The following PTPRD variants were observed in gnomAD, a reference collection of about 807,000 sequenced individuals.
PTPRD encodes receptor-type tyrosine-protein phosphatase delta.
A neutral mutation model predicts 214.5 loss-of-function variants in PTPRD; 34 were observed. The ratio of observed to expected loss-of-function variants is 0.16; its 90% confidence interval spans 0.12 to 0.21. PTPRD has a LOEUF of 0.21. Ranked by LOEUF, PTPRD falls within the 10% of genes least tolerant of loss-of-function variation. The pLI is 1.00. For synonymous variants in PTPRD, 1,128 were observed against 845.7 expected, an observed-to-expected ratio of 1.33 and a Z score of -5.79; for missense variants, 2,545 against 2,398.7, an observed-to-expected ratio of 1.06 and a Z score of -1.27.
At chr9:10,116,348 G>C (rs2098731217) in intron 3 of PTPRD, among the ~76,000 whole-genome samples, 1 of 151,950 alleles carries the variant, frequency 6.6e-6, no homozygotes, top group East Asian at 1.9e-4. Context: ...TTAGTTCAGG[G>C]GGTCACTTAA....
chr9:8,355,675 C>G (rs190880712), intron 39 of PTPRD, among the ~76,000 whole-genome samples: 1 of 152,154 alleles, frequency 6.6e-6, no homozygotes, highest in Non-Finnish European at 1.5e-5. Flanking sequence ...TTCTATGTAT[C>G]AATCGCCATG....
At chr9:9,331,762 A>G (rs2042392527) in intron 9 of PTPRD, among the ~76,000 whole-genome samples, 1 of 151,988 alleles carries the variant, frequency 6.6e-6, no homozygotes, top group Non-Finnish European at 1.5e-5. Context: ...GAATCAAATC[A>G]TCTCAAATAA....
chr9:10,391,023 G>A (rs1296831647), intron 2 of PTPRD, among the ~76,000 whole-genome samples: 1 of 151,810 alleles, frequency 6.6e-6, no homozygotes, highest in African/African-American at 2.4e-5. Context: ...CACTCACCAT[G>A]GGGAACTGTG....
chr9:9,334,516 G>C (rs2043646293), intron 9 of PTPRD, among the ~76,000 whole-genome samples: 2 of 151,998 alleles, frequency 1.3e-5, no homozygotes, highest in African/African-American at 4.8e-5. Context: ...AATATTTGAT[G>C]GTCTGGTGGG....
chr9:9,514,347 G>A (rs1048140644), intron 8 of PTPRD, among the ~76,000 whole-genome samples: 1 of 152,042 alleles, frequency 6.6e-6, no homozygotes, highest in African/African-American at 2.4e-5. Context: ...AATACACAGG[G>A]ATCTGGATAG....
intron 9 of PTPRD, among the ~76,000 whole-genome samples, chr9:9,331,308 T>G (rs1225134379): frequency 1.3e-5 from 2 of 152,110 alleles, no homozygotes; most frequent in African/African-American, 4.8e-5. Flanking sequence ...CCATTTCCAA[T>G]TTACTAAGTT....
At chr9:10,144,467 G>T (rs1486250461) in intron 3 of PTPRD, among the ~76,000 whole-genome samples, 1 of 152,006 alleles carries the variant, frequency 6.6e-6, no homozygotes, top group East Asian at 1.9e-4. Flanking sequence ...TATTCCCCCT[G>T]CTCTTAGGTA....
chr9:10,100,756 G>T (rs547327265), intron 3 of PTPRD, among the ~76,000 whole-genome samples: 79 of 151,744 alleles, frequency 5.2e-4, no homozygotes, highest in African/African-American at 1.8e-3. Flanking sequence ...GTTCCTCACT[G>T]ACATGCATTG....
At position 9,441,337 on chromosome 9, in the gene PTPRD, A is replaced by G. The variant is rs144622161; in HGVS notation, c.-236-43855T>C. 3.0e-3 allele frequency among the ~76,000 whole-genome samples: 451 copies of G among 152,326 alleles called. 7 individuals carry two copies. Among genetic ancestry groups the G allele is most frequent in the Admixed American group, 0.022 (343 of 15,288 alleles). Reference sequence around the variant, plus strand: ...GCTTCTTAGAGTAAATTAAGTTTGAACTAGAAAGATGAATAGGAAGAAGAC... The same window carrying G: ...GCTTCTTAGAGTAAATTAAGTTTGAGCTAGAAAGATGAATAGGAAGAAGAC... On this transcript the variant is annotated intron_variant, in intron 8 of 45. Coordinates refer to ENST00000381196, the MANE Select transcript of PTPRD (RefSeq NM_002839.4).
At chr9:10,455,955 G>T (rs955085877) in intron 2 of PTPRD, among the ~76,000 whole-genome samples, 1 of 151,644 alleles carries the variant, frequency 6.6e-6, no homozygotes, top group Non-Finnish European at 1.5e-5. Flanking sequence ...CTAATCCCTT[G>T]TTCTTCTATT....
intron 2 of PTPRD, among the ~76,000 whole-genome samples, chr9:10,384,849 C>G (rs895878354): frequency 6.6e-6 from 1 of 151,462 alleles, no homozygotes; most frequent in Admixed American, 6.6e-5. Context: ...TGATTTTTAA[C>G]GATGTATAAA....
intron 3 of PTPRD, among the ~76,000 whole-genome samples, chr9:10,248,445 A>T (rs996400558): frequency 6.7e-5 from 10 of 148,614 alleles, no homozygotes; most frequent in African/African-American, 2.3e-4. Context: ...AAAACAAGAA[A>T]TGTTACTTTT....
At chr9:8,436,078 G>C (rs1474203976) in intron 35 of PTPRD, among the ~76,000 whole-genome samples, 2 of 152,138 alleles carry the variant, frequency 1.3e-5, no homozygotes, top group Non-Finnish European at 2.9e-5. Flanking sequence ...TATCAATTTA[G>C]TATATTCTAG....
chr9:8,586,847 T>C (rs2093694842), intron 14 of PTPRD, among the ~76,000 whole-genome samples: 1 of 152,142 alleles, frequency 6.6e-6, no homozygotes, highest in Admixed American at 6.5e-5. Flanking sequence ...ACTCCTCACT[T>C]AATAAAGAAA....
chr9:10,396,992 G>A (rs754697037), intron 2 of PTPRD, among the ~76,000 whole-genome samples: 2 of 151,896 alleles, frequency 1.3e-5, no homozygotes, highest in African/African-American at 2.4e-5. Flanking sequence ...CTAGCTACAC[G>A]TCTGGGGAAA....
intron 5 of PTPRD, among the ~76,000 whole-genome samples, chr9:9,905,711 G>A (rs2077405991): frequency 6.6e-6 from 1 of 151,874 alleles, no homozygotes; most frequent in South Asian, 2.1e-4. Context: ...TACTAATACA[G>A]AAGAATTCAA....
chr9:8,374,114 CTGTGTGTG>C (rs6150905), intron 39 of PTPRD, among the ~76,000 whole-genome samples: 269 of 142,904 alleles, frequency 1.9e-3, no homozygotes, highest in African/African-American at 6.1e-3. Flanking sequence ...ACACACGTGT[CTGTGTGTG>C]TGTGTGTGTG....
intron 2 of PTPRD, among the ~76,000 whole-genome samples, chr9:10,469,628 T>C (rs1220297027): frequency 1.3e-5 from 2 of 152,038 alleles, no homozygotes; most frequent in African/African-American, 4.8e-5. Flanking sequence ...AAAATAGAGC[T>C]ACTATATGAC....
Position 8,528,901 on chromosome 9 carries a change from G to T in PTPRD, c.353-122C>A. On this transcript the variant is annotated intron_variant, in intron 14 of 45. Transcript: ENST00000381196. ...TTGTTGAGAACCTAACACAAACCAGGCACTAATAAATTAGAACACAGTCAC... is the reference window on the plus strand; with the variant it reads ...TTGTTGAGAACCTAACACAAACCAGTCACTAATAAATTAGAACACAGTCAC... 3 of 889,264 alleles carry T rather than the reference G, an allele frequency of 3.4e-6. No individual in the cohort carries two copies. In the South Asian group the frequency reaches 5.0e-5, roughly 15 times the overall value. The allele number at this position is 889,264 out of a possible 1,614,324, so 55.1% of individuals were successfully genotyped here. A position where few individuals can be genotyped will look rare whatever the true frequency, so the allele number is the denominator to read the frequency against.
Sources: allele counts gnomAD v4.1 joint callset (sites outside exome capture counted in the v4.1 genomes callset), GRCh38; gene constraint gnomAD v4.1.1; transcripts MANE v1.5; gene names NCBI Gene and HGNC (gene_info 2026-07-23, HGNC 2026-07-21).